NTN1: variants seen among roughly 807,000 people sequenced by gnomAD.
The protein encoded by NTN1 is netrin-1.
Under a neutral mutation model 54.2 loss-of-function variants are expected in NTN1, and 11 were observed. The observed-to-expected ratio is 0.20, with a 90% CI of 0.13 to 0.34. NTN1 has a LOEUF of 0.34. Among genes scored for constraint, NTN1 ranks in the 10% least tolerant of loss-of-function variants. NTN1 has a pLI of 1.00. For synonymous variants in NTN1, 371 were observed against 382.0 expected (o/e 0.97, Z 0.33); for missense variants, 740 against 893.1 (o/e 0.83, Z 2.18).
chr17:9,112,748 G>A (rs189591306), intron 2 of NTN1, among the ~76,000 whole-genome samples: 13 of 146,872 alleles, frequency 8.9e-5, no homozygotes, highest in African/African-American at 2.3e-4. Context: ...TGGTGTGAAC[G>A]CTGCGGGGTG....
chr17:9,018,980 T>C (rs776695413), upstream of NTN1, among the ~76,000 whole-genome samples: 1 of 152,212 alleles, frequency 6.6e-6, no homozygotes, highest in Non-Finnish European at 1.5e-5. Context: ...CCAAGAATAG[T>C]TGTAATTCCC....
rs564284559 is a variant in NTN1, at chr17:9,238,698, G to C, written c.1487-942G>C. ...GAACCTCTTGACTTTGTTTAACCTA[G>C]TATTTCACAAACTTACTAGAGCAAA... On this transcript the variant is annotated intron_variant, in intron 6 of 6. Coordinates refer to ENST00000173229, the MANE Select transcript of NTN1 (RefSeq NM_004822.3). Among the ~76,000 whole-genome samples, 11 of 152,342 alleles carry C rather than the reference G, an allele frequency of 7.2e-5. 1 individual carries two copies. Among genetic ancestry groups the C allele is most frequent in the South Asian group, 6.2e-4 (3 of 4,822 alleles).
chr17:9,214,094 T>C (rs1476033480), intron 5 of NTN1, among the ~76,000 whole-genome samples: 1 of 152,212 alleles, frequency 6.6e-6, no homozygotes, highest in Non-Finnish European at 1.5e-5. Flanking sequence ...TTCTACTATA[T>C]TTCTACTTCT....
chr17:9,239,148 A>G lies in NTN1; in HGVS notation c.1487-492A>G, dbSNP rs1906098595. Among the ~76,000 whole-genome samples the G allele has an allele frequency of 6.6e-6, 1 of 152,012 alleles. No homozygotes were observed. Among genetic ancestry groups the G allele is most frequent in the African/African-American group, 2.4e-5 (1 of 41,388 alleles). ...GGTGGGTTCTCATCTTCTGTCCCTG[A>G]GCATTGAGGACCCATTATGGTTTTC... On this transcript the variant is annotated intron_variant, in intron 6 of 6. Coordinates refer to ENST00000173229, the MANE Select transcript of NTN1 (RefSeq NM_004822.3). This position sits in a 1 kb window ranked among gnomAD's most constrained non-coding sequence, Gnocchi z 5.2.
chr17:9,009,433 G>A, the NTN1 span, among the ~76,000 whole-genome samples: 1 of 152,204 alleles, frequency 6.6e-6, no homozygotes, highest in South Asian at 2.1e-4. Context: ...CTGGCATGGT[G>A]ATGCTCCTGC....
chr17:9,157,685 GGGGTGTCTGT>G (rs1450816459), intron 2 of NTN1, among the ~76,000 whole-genome samples: 3 of 152,216 alleles, frequency 2.0e-5, no homozygotes, highest in Non-Finnish European at 2.9e-5. Context: ...CACAAAGCTT[GGGGTGTCTGT>G]GGGTGTCTGG....
At chr17:9,101,645 A>G (rs2092150688) in intron 2 of NTN1, among the ~76,000 whole-genome samples, 1 of 152,344 alleles carries the variant, frequency 6.6e-6, no homozygotes, top group South Asian at 2.1e-4. Context: ...ACACAGCACA[A>G]GCCAGGATTT....
chr17:9,138,162 A>G (rs1255953560), intron 2 of NTN1, among the ~76,000 whole-genome samples: 1 of 152,148 alleles, frequency 6.6e-6, no homozygotes, highest in African/African-American at 2.4e-5. Context: ...ATGATTGCTC[A>G]ACTTGAAAAC....
chr17:9,185,571 G>A (rs2092430768), intron 5 of NTN1, among the ~76,000 whole-genome samples: 2 of 151,980 alleles, frequency 1.3e-5, no homozygotes, highest in Admixed American at 1.3e-4. Flanking sequence ...GCAGGGAGGT[G>A]AGGAACGTAG....
intron 2 of NTN1, among the ~76,000 whole-genome samples, chr17:9,124,706 G>A (rs1372763744): frequency 5.3e-5 from 8 of 152,324 alleles, no homozygotes; most frequent in Non-Finnish European, 1.0e-4. Context: ...CTGTGGGGAG[G>A]TAAAAGGAAC....
At chr17:9,021,802 C>T (rs973815837) in intron 1 of NTN1, among the ~76,000 whole-genome samples, 6 of 151,996 alleles carry the variant, frequency 3.9e-5, no homozygotes, top group African/African-American at 2.4e-5. Flanking sequence ...AGAGGCTCTC[C>T]GGCGACCGGC....
At chr17:9,181,512 T>A (rs2092418998) in intron 4 of NTN1, among the ~76,000 whole-genome samples, 1 of 152,218 alleles carries the variant, frequency 6.6e-6, no homozygotes, top group Non-Finnish European at 1.5e-5. Context: ...AGCTTCCTAA[T>A]AACCCATTGT....
At chr17:9,056,473 G>C (rs932752895) in intron 2 of NTN1, among the ~76,000 whole-genome samples, 1 of 152,156 alleles carries the variant, frequency 6.6e-6, no homozygotes, top group Non-Finnish European at 1.5e-5. Flanking sequence ...ATAGGATGGT[G>C]GTCTGTCTTT....
intron 5 of NTN1, among the ~76,000 whole-genome samples, chr17:9,209,499 G>C (rs1013475088): frequency 3.3e-5 from 5 of 152,242 alleles, no homozygotes; most frequent in Non-Finnish European, 5.9e-5. Context: ...AGGAAGGCAG[G>C]CCTTGGCCCT....
chr17:9,106,028 G>T (rs1177463523), intron 2 of NTN1, among the ~76,000 whole-genome samples: 1 of 152,090 alleles, frequency 6.6e-6, no homozygotes, highest in Non-Finnish European at 1.5e-5. Context: ...CAACAATATC[G>T]CCTGGGAACT....
chr17:9,234,706 C>G (rs935902146), intron 6 of NTN1, among the ~76,000 whole-genome samples: 2 of 152,172 alleles, frequency 1.3e-5, no homozygotes, highest in Non-Finnish European at 1.5e-5. Flanking sequence ...CAGCAAGGCT[C>G]GAGGAAGGGA....
intron 2 of NTN1, among the ~76,000 whole-genome samples, chr17:9,069,467 A>G (rs960136599): frequency 6.6e-5 from 10 of 152,214 alleles, no homozygotes; most frequent in African/African-American, 2.4e-5. Context: ...CAGAACCTGT[A>G]TATAAACTAT....
At chr17:9,166,712 C>A (rs1291340262) in intron 3 of NTN1, among the ~76,000 whole-genome samples, 2 of 152,180 alleles carry the variant, frequency 1.3e-5, no homozygotes, top group Non-Finnish European at 2.9e-5. Context: ...AGCTGCACTT[C>A]TTTGCTTTGT....
At chr17:9,012,372 G>A in the NTN1 span, among the ~76,000 whole-genome samples, 3 of 152,116 alleles carry the variant, frequency 2.0e-5, no homozygotes, top group Admixed American at 6.5e-5. Flanking sequence ...TTAGCTGGGC[G>A]TGGTGGCGGA....
Sources: allele counts gnomAD v4.1 joint callset (sites outside exome capture counted in the v4.1 genomes callset), GRCh38; gene constraint gnomAD v4.1.1; non-coding constraint Gnocchi (gnomAD v3.1); transcripts MANE v1.5; gene names NCBI Gene and HGNC (gene_info 2026-07-23, HGNC 2026-07-21).